The following SORCS3 variants were observed in gnomAD, a reference collection of about 807,000 sequenced individuals.
SORCS3 encodes sortilin related VPS10 domain containing receptor 3.
SORCS3 carries 57 observed loss-of-function variants against 146.3 expected under a neutral mutation model. The ratio of observed to expected loss-of-function variants is 0.39; its 90% CI spans 0.31 to 0.49. The LOEUF is 0.49. Among genes scored for constraint, SORCS3 ranks in the 20% least tolerant of loss-of-function variants. SORCS3 has a pLI of 0.92. For missense variants in SORCS3, 1,341 were observed against 1,575.5 expected, an observed-to-expected ratio of 0.85 and a Z score of 2.52; for synonymous variants, 653 against 618.5, an observed-to-expected ratio of 1.06 and a Z score of -0.83.
intron 14 of SORCS3, among the ~76,000 whole-genome samples, chr10:105,179,574 T>C (rs1018318162): frequency 6.6e-6 from 1 of 152,224 alleles, no homozygotes; most frequent in Non-Finnish European, 1.5e-5. Flanking sequence ...TTCATCAAAA[T>C]GAATATAAAC....
At chr10:104,996,691 T>G (rs1176617777) in intron 4 of SORCS3, among the ~76,000 whole-genome samples, 1 of 152,224 alleles carries the variant, frequency 6.6e-6, no homozygotes, top group Non-Finnish European at 1.5e-5. Context: ...ACAAATATTG[T>G]AACTTTAATC....
intron 5 of SORCS3, among the ~76,000 whole-genome samples, chr10:105,051,364 A>C (rs901463112): frequency 6.6e-6 from 1 of 152,062 alleles, no homozygotes; most frequent in Non-Finnish European, 1.5e-5. Context: ...CCTTGAGATA[A>C]TGTGGTTGGA....
chr10:105,200,603 C>T (rs1309816223), intron 15 of SORCS3, among the ~76,000 whole-genome samples: 1 of 152,142 alleles, frequency 6.6e-6, no homozygotes, highest in East Asian at 1.9e-4. Context: ...GACTTCTGCT[C>T]CAGAACCACT....
intron 5 of SORCS3, among the ~76,000 whole-genome samples, chr10:105,056,200 T>A (rs1404863386): frequency 6.6e-6 from 1 of 152,152 alleles, no homozygotes; most frequent in Non-Finnish European, 1.5e-5. Context: ...TGGAGAGTAG[T>A]TAGTTAGTTG....
rs2017988911 is a variant in SORCS3, at chr10:104,830,554, C to T, written c.628-12238C>T. ...TGCTGATGTGTTGTCACATCAGAAG[C>T]CAGATATGTGGAGAGGGCTGCTTCT... On this transcript the variant is annotated intron_variant, in intron 1 of 26. Coordinates refer to ENST00000369701, the MANE Select transcript of SORCS3 (RefSeq NM_014978.3). Among the ~76,000 whole-genome samples, 4 of 152,264 alleles carry T rather than the reference C, an allele frequency of 2.6e-5. No homozygotes were observed. In the South Asian group the frequency reaches 8.3e-4, roughly 32 times the overall value.
intron 11 of SORCS3, among the ~76,000 whole-genome samples, chr10:105,162,505 C>G (rs553330145): frequency 3.3e-4 from 50 of 152,312 alleles, no homozygotes; most frequent in African/African-American, 1.2e-3. Context: ...ACAGAGCCAC[C>G]TAAGGACTGT....
chr10:104,748,655 C>G (rs1010217471), intron 1 of SORCS3, among the ~76,000 whole-genome samples: 10 of 152,132 alleles, frequency 6.6e-5, no homozygotes, highest in Non-Finnish European at 1.3e-4. Flanking sequence ...GAGTTTGAAA[C>G]CAGCCTGGCC....
chr10:104,899,999 C>T (rs533042634), intron 2 of SORCS3, among the ~76,000 whole-genome samples: 2 of 152,130 alleles, frequency 1.3e-5, no homozygotes, highest in South Asian at 4.2e-4. Context: ...CCAGAGCCTC[C>T]CTGGGGATTA....
At chr10:105,183,899 C>T (rs2056459240) in intron 14 of SORCS3, among the ~76,000 whole-genome samples, 2 of 152,194 alleles carry the variant, frequency 1.3e-5, no homozygotes, top group South Asian at 2.1e-4. Context: ...TGACTGAGAG[C>T]ATGGGCTTTG....
intron 1 of SORCS3, among the ~76,000 whole-genome samples, chr10:104,840,233 T>C (rs2018122290): frequency 6.6e-6 from 1 of 152,152 alleles, no homozygotes. Flanking sequence ...AGTCTAATAA[T>C]ATTCTCTTGA....
intron 1 of SORCS3, among the ~76,000 whole-genome samples, chr10:104,764,134 A>C (rs952620879): frequency 7.2e-5 from 11 of 152,166 alleles, no homozygotes; most frequent in African/African-American, 2.7e-4. Context: ...ACTTATAATA[A>C]ACTTCATAAA....
At position 105,214,442 on chromosome 10, in the gene SORCS3, G is replaced by A; in HGVS notation, c.2376G>A (p.Gly792=). The change falls in exon 18 of 27, where the codon GGG becomes GGA. Residue 792 remains glycine (G), a splice_region_variant and synonymous_variant. Transcript: ENST00000369701. ...ACTATCAATTGTCAATTCTACTTAG[G>A]TATCGGCGGATTGTGTCCAACAACT... The part of the protein sequence containing the change: ...SLGQSYLNST[G]YRRIVSNNCT... 6.2e-7 allele frequency: 1 copy of A among 1,613,980 alleles called. No individual in the cohort carries two copies. Among genetic ancestry groups the A allele is most frequent in the African/African-American group, 1.3e-5 (1 of 74,992 alleles).
At chr10:105,259,160 C>A (rs2056946648) in intron 25 of SORCS3, among the ~76,000 whole-genome samples, 1 of 152,156 alleles carries the variant, frequency 6.6e-6, no homozygotes, top group Non-Finnish European at 1.5e-5. Flanking sequence ...AATGCTCTAT[C>A]ATCAGTACTG....
At chr10:105,162,959 C>T (rs1252656775) in intron 11 of SORCS3, among the ~76,000 whole-genome samples, 1 of 152,224 alleles carries the variant, frequency 6.6e-6, no homozygotes, top group African/African-American at 2.4e-5. Flanking sequence ...CTAAGCGACT[C>T]GAGTTGATAT....
At chr10:104,689,866 A>G (rs2016092452) in intron 1 of SORCS3, among the ~76,000 whole-genome samples, 1 of 152,182 alleles carries the variant, frequency 6.6e-6, no homozygotes, top group African/African-American at 2.4e-5. Flanking sequence ...TTGCAGACTG[A>G]TTTCTCTGTA....
In SORCS3 at chr10:105,256,944, A is replaced by G. The variant is rs1328874008; in HGVS notation, c.3443+20A>G. ...TAAAAGGTATGTCCTATTATCACTC[A>G]ATTTAGTAGTGGGGTTGGGGTCATT... On this transcript the variant is annotated intron_variant, in intron 25 of 26. Transcript: ENST00000369701. The G allele has an allele frequency of 1.3e-6, 2 of 1,542,036 alleles. No homozygotes were observed. The highest frequency in any genetic ancestry group is 1.1e-5 in the South Asian group (1 of 89,466).
intron 6 of SORCS3, among the ~76,000 whole-genome samples, chr10:105,100,378 A>C (rs1325180539): frequency 1.3e-5 from 2 of 152,324 alleles, no homozygotes; most frequent in East Asian, 3.9e-4. Flanking sequence ...CTAGTTTTTC[A>C]TTTGAGGATA....
intron 5 of SORCS3, among the ~76,000 whole-genome samples, chr10:105,049,597 A>G (rs931287986): frequency 7.2e-5 from 11 of 152,136 alleles, no homozygotes; most frequent in Admixed American, 5.9e-4. Flanking sequence ...TGGTTTAATC[A>G]CTACTATAAG....
chr10:105,195,642 G>T (rs751919310), intron 14 of SORCS3, among the ~76,000 whole-genome samples: 23 of 152,180 alleles, frequency 1.5e-4, no homozygotes, highest in Non-Finnish European at 3.1e-4. Flanking sequence ...TAGGGAAGCT[G>T]GGTCTATACA....
Sources: gnomAD v4.1 joint callset for allele counts (sites outside exome capture counted in the v4.1 genomes callset) on GRCh38, gnomAD v4.1.1 for gene constraint, MANE v1.5 for transcripts, NCBI Gene and HGNC (gene_info 2026-07-23, HGNC 2026-07-21) for gene names.